The following CDCA2 variants were observed in gnomAD, a reference collection of about 807,000 sequenced individuals.
The protein encoded by CDCA2 is cell division cycle-associated protein 2.
Under a neutral mutation model 67.0 loss-of-function variants are expected in CDCA2, and 44 were observed. The observed-to-expected ratio is 0.66, with a 90% CI of 0.52 to 0.84. CDCA2 has a LOEUF of 0.84. Among genes scored for constraint, CDCA2 ranks in the 40% least tolerant of loss-of-function variants. CDCA2 has a pLI of 0.00. For missense variants in CDCA2, 1,253 were observed against 1,203.2 expected (o/e 1.04, Z -0.61); for synonymous variants, 447 against 418.7 (o/e 1.07, Z -0.82).
chr8:25,497,772 A>G (rs960170800), intron 13 of CDCA2, among the ~76,000 whole-genome samples: 15 of 152,216 alleles, frequency 9.9e-5, no homozygotes, highest in Non-Finnish European at 1.5e-4. Context: ...TCATTTCCCA[A>G]TGTGTACATA....
At chr8:25,484,795 A>C (rs913348618) in intron 10 of CDCA2, among the ~76,000 whole-genome samples, 1 of 152,152 alleles carries the variant, frequency 6.6e-6, no homozygotes, top group East Asian at 1.9e-4. Context: ...GATGAATACT[A>C]CCAAACACTT....
Position 25,506,903 on chromosome 8 carries a change from CA to C in CDCA2, c.2238del (p.Glu747LysfsTer13). 1 of 1,612,416 alleles carries C rather than the reference CA, an allele frequency of 6.2e-7. No individual in the cohort carries two copies. The highest frequency in any genetic ancestry group is 8.5e-7 in the Non-Finnish European group (1 of 1,179,216). ...GQEFSAGGQNAENLCQFFKIS... is the reference protein window; with the variant it reads ...GQEFSAGGQNXENLCQFFKIS... ...GAATTTTCTGCTGGTGGTCAAAATGCAGAAAACCTTTGTCAGTTCTTTAAAA... is the reference window on the plus strand; with the variant it reads ...GAATTTTCTGCTGGTGGTCAAAATGCGAAAACCTTTGTCAGTTCTTTAAAA... On this transcript the variant is annotated frameshift_variant, in exon 15 of 15. Transcript: ENST00000330560. LOFTEE classifies it low-confidence loss of function (END_TRUNC).
Position 25,507,048 on chromosome 8 carries a change from A to G in CDCA2, c.2382A>G (p.Gly794=). The G allele has an allele frequency of 6.2e-7, 1 of 1,614,038 alleles. No homozygotes were observed. Among genetic ancestry groups the G allele is most frequent in the Admixed American group, 1.7e-5 (1 of 60,008 alleles). ...PNSQKDCHCL[G]DVLIENTKES... ...CACAAAAAGACTGTCATTGTTTAGG[A>G]GATGTCTTAATTGAAAATACGAAAG... is the stretch of plus-strand genomic sequence containing the variant. The change falls in exon 15 of 15, where the codon GGA becomes GGG. Residue 794 remains glycine (G), a synonymous_variant. Coordinates refer to ENST00000330560, the MANE Select transcript of CDCA2 (RefSeq NM_152562.4).
intron 10 of CDCA2, among the ~76,000 whole-genome samples, chr8:25,484,696 A>G (rs973132356): frequency 2.7e-5 from 4 of 150,494 alleles, no homozygotes; most frequent in South Asian, 2.1e-4. Flanking sequence ...GGCTCAAGCT[A>G]TCCTCCCATA....
chr8:25,479,950 A>C lies in CDCA2; in HGVS notation c.858A>C (p.Ser286=). The part of the protein sequence containing the change: ...KVADCVVGKG[S]SDAVSPDTFT... ...CTGACTGTGTAGTGGGCAAAGGATC[A>C]AGTGATGCCGTTTCGCCTGACACGT... is the stretch of plus-strand genomic sequence containing the variant. Residue 286 remains serine, a synonymous_variant, in exon 8 of 15, where the codon TCA becomes TCC. Coordinates refer to ENST00000330560, the MANE Select transcript of CDCA2 (RefSeq NM_152562.4). 6.2e-7 allele frequency: 1 copy of C among 1,614,212 alleles called. No individual in the cohort carries two copies. The highest frequency in any genetic ancestry group is 8.5e-7 in the Non-Finnish European group (1 of 1,180,048).
At chr8:25,494,087 A>G (rs539030196) in intron 13 of CDCA2, among the ~76,000 whole-genome samples, 1 of 152,302 alleles carries the variant, frequency 6.6e-6, no homozygotes, top group African/African-American at 2.4e-5. Context: ...GAACTTCCAT[A>G]CACTTCTATA....
rs114645573 is a variant in CDCA2, at chr8:25,462,137, C to A, written c.316C>A (p.Arg106Ser). The A allele has an allele frequency of 1.2e-6, 2 of 1,613,974 alleles. No individual in the cohort carries two copies. The highest frequency in any genetic ancestry group is 8.5e-7 in the Non-Finnish European group (1 of 1,179,824). ...RGSPETNHLI[R>S]FIARQQNIKN... ...CTCTCCTGAAACAAACCATCTGATT[C>A]GTTTCATTGCTCGGCAGCAAAATAT... The change falls in exon 4 of 15, where the codon CGT (arginine) becomes AGT (serine). Residue 106 changes from arginine to serine, a missense_variant. Transcript: ENST00000330560.
Position 25,463,643 on chromosome 8 carries a change from C to T in CDCA2, c.387+1435C>T, listed in dbSNP as rs573429854. On this transcript the variant is annotated intron_variant, in intron 4 of 14. Coordinates refer to ENST00000330560, the MANE Select transcript of CDCA2 (RefSeq NM_152562.4). ...ACCTTAATGTTGTACGTGTGTTGTG[C>T]TGGCAGCAGCCTCCTACGTTCTCCC... is the stretch of plus-strand genomic sequence containing the variant. Among the ~76,000 whole-genome samples the T allele has an allele frequency of 3.9e-5, 6 of 152,066 alleles. No homozygotes were observed. In the East Asian group the frequency reaches 1.2e-3, roughly 29 times the overall value.
Position 25,507,671 on chromosome 8 carries a change from A to T in CDCA2, c.3005A>T (p.Asn1002Ile). The change falls in exon 15 of 15, where the codon AAT becomes ATT. Residue 1002 changes from asparagine (N) to isoleucine (I), a missense_variant. Physicochemically the swap from Asn to Ile is moderately radical, Grantham distance 149. Transcript: ENST00000330560. ...FKGYRRRSSL[N>I]GKGESSLTAL... is the part of the protein sequence containing the mutation. ...GGCTACCGGAGAAGATCCTCTCTTA[A>T]TGGGAAGGGAGAGAGCTCTCTGACT... The T allele has an allele frequency of 1.2e-6, 2 of 1,614,194 alleles. No individual in the cohort carries two copies. The highest frequency in any genetic ancestry group is 1.1e-5 in the South Asian group (1 of 91,086).
intron 8 of CDCA2, among the ~76,000 whole-genome samples, chr8:25,482,499 A>G (rs1803610100): frequency 6.6e-6 from 1 of 152,260 alleles, no homozygotes; most frequent in South Asian, 2.1e-4. Flanking sequence ...AAAAGTCACA[A>G]AACACATAAA....
At chr8:25,492,345 A>G (rs1343646038) in intron 13 of CDCA2, among the ~76,000 whole-genome samples, 1 of 152,188 alleles carries the variant, frequency 6.6e-6, no homozygotes, top group African/African-American at 2.4e-5. Context: ...ATCTAACAAT[A>G]CAAGAGCGCA....
At chr8:25,491,154 C>G (rs1397227061) in intron 13 of CDCA2, among the ~76,000 whole-genome samples, 5 of 151,972 alleles carry the variant, frequency 3.3e-5, no homozygotes, top group Non-Finnish European at 7.4e-5. Flanking sequence ...GAAAGTCTCC[C>G]AGAAGATAGA....
intron 13 of CDCA2, among the ~76,000 whole-genome samples, chr8:25,499,084 G>T (rs1804364419): frequency 6.6e-6 from 1 of 151,988 alleles, no homozygotes; most frequent in South Asian, 2.1e-4. Flanking sequence ...TAGCTGATGG[G>T]TACATGGGGT....
At chr8:25,462,347 C>T in intron 4 of CDCA2, 139 bp downstream of exon 4, 1 of 956,042 alleles carries the variant, frequency 1.0e-6, no homozygotes, top group Non-Finnish European at 1.6e-6. Flanking sequence ...CAGTTAGCGG[C>T]CGGGCGCGGT....
chr8:25,460,057 G>A (rs1043835460), intron 1 of CDCA2, among the ~76,000 whole-genome samples, 183 bp from the exon 2 acceptor site: 4 of 152,030 alleles, frequency 2.6e-5, no homozygotes, highest in South Asian at 2.1e-4. Context: ...AATATTTCAT[G>A]TACCCCATAA....
chr8:25,469,977 A>C lies in CDCA2; in HGVS notation c.817A>C (p.Asn273His). 1 of 1,595,972 alleles carries C rather than the reference A, an allele frequency of 6.3e-7. No homozygotes were observed. The highest frequency in any genetic ancestry group is 8.6e-7 in the Non-Finnish European group (1 of 1,164,554). ...LPLSELTETS[N>H]ALKVADCVVG... ...CCTTTCAGAGCTCACAGAGACTTCA[A>C]ATGGTAAGTAATCTTTTCTTAGTAC... The change falls in exon 7 of 15, where the codon AAT (asparagine) becomes CAT (histidine). Residue 273 changes from asparagine (N) to histidine (H), a missense_variant. Physicochemically the swap from Asn to His is moderately conservative, Grantham distance 68. Coordinates refer to ENST00000330560, the MANE Select transcript of CDCA2 (RefSeq NM_152562.4).
chr8:25,476,671 G>C (rs891026163), intron 7 of CDCA2, among the ~76,000 whole-genome samples: 2 of 151,588 alleles, frequency 1.3e-5, no homozygotes, highest in Admixed American at 6.6e-5. Context: ...TCCTAACCCA[G>C]CCCTCCTGAG....
chr8:25,475,158 G>T (rs1373859178), intron 7 of CDCA2, among the ~76,000 whole-genome samples: 1 of 152,136 alleles, frequency 6.6e-6, no homozygotes, highest in Non-Finnish European at 1.5e-5. Context: ...CCAACATGAT[G>T]CTCAAAGGAG....
chr8:25,471,513 C>T (rs1002325404), intron 7 of CDCA2, among the ~76,000 whole-genome samples: 1 of 152,088 alleles, frequency 6.6e-6, no homozygotes, highest in South Asian at 2.1e-4. Flanking sequence ...AGGTGCCTGC[C>T]ACCAAGCCCA....
Sources: gnomAD v4.1 joint callset for allele counts (sites outside exome capture counted in the v4.1 genomes callset) on GRCh38, gnomAD v4.1.1 for gene constraint, MANE v1.5 for transcripts, NCBI Gene and HGNC (gene_info 2026-07-23, HGNC 2026-07-21) for gene names.